Variants in CDH4 observed in about 807,000 individuals in gnomAD.
CDH4 encodes cadherin 4, also known as cadherin-4.
In CDH4, 33 loss-of-function variants were observed where a neutral mutation model predicts 86.0. The ratio of observed to expected loss-of-function variants is 0.38; its 90% CI spans 0.29 to 0.51. CDH4 has a LOEUF of 0.51. CDH4 is among the 20% of genes least tolerant of loss of function. CDH4 has a pLI of 0.86. For synonymous variants in CDH4, 555 were observed against 549.4 expected, an observed-to-expected ratio of 1.01 and a Z score of -0.14; for missense variants, 1,114 against 1,307.4, an observed-to-expected ratio of 0.85 and a Z score of 2.28.
intron 6 of CDH4, among the ~76,000 whole-genome samples, chr20:61,863,637 C>T (rs1983423336): frequency 6.6e-6 from 1 of 152,138 alleles, no homozygotes; most frequent in Admixed American, 6.5e-5. Flanking sequence ...GCGAGAGGGC[C>T]AGTGGGGACA....
At chr20:61,862,079 C>G (rs78603783) in intron 6 of CDH4, among the ~76,000 whole-genome samples, 5 of 152,326 alleles carry the variant, frequency 3.3e-5, no homozygotes, top group East Asian at 1.9e-4. Flanking sequence ...CGCTGTCCCC[C>G]ACGCTCTGCG....
At chr20:61,515,820 T>C (rs78999042) in intron 2 of CDH4, among the ~76,000 whole-genome samples, 1,863 of 152,314 alleles carry the variant, frequency 0.012, 28 homozygotes, top group East Asian at 0.06. Flanking sequence ...TCTACTCTCC[T>C]AGCTCGCTCT....
At chr20:61,452,858 CTTA>C (rs1364922033) in intron 2 of CDH4, among the ~76,000 whole-genome samples, 2 of 152,170 alleles carry the variant, frequency 1.3e-5, no homozygotes, top group African/African-American at 2.4e-5. Flanking sequence ...CTGAGTGACA[CTTA>C]TTATGTTTCT....
intron 2 of CDH4, among the ~76,000 whole-genome samples, chr20:61,682,431 G>C: frequency 7.5e-6 from 1 of 132,810 alleles, no homozygotes; most frequent in African/African-American, 2.8e-5. Context: ...AGGATGGATG[G>C]ATGGAGGGGT....
At chr20:61,605,964 C>T (rs913001986) in intron 2 of CDH4, among the ~76,000 whole-genome samples, 2 of 151,818 alleles carry the variant, frequency 1.3e-5, no homozygotes, top group African/African-American at 2.4e-5. Flanking sequence ...ATGATTTGCC[C>T]CTGGGATGAG....
intron 2 of CDH4, among the ~76,000 whole-genome samples, chr20:61,619,909 C>A (rs2086756220): frequency 6.6e-6 from 1 of 152,196 alleles, no homozygotes; most frequent in Non-Finnish European, 1.5e-5. Flanking sequence ...AGCATCAGCG[C>A]CAGGCACATC....
At chr20:61,697,942 C>G (rs892368212) in intron 2 of CDH4, among the ~76,000 whole-genome samples, 1 of 152,252 alleles carries the variant, frequency 6.6e-6, no homozygotes, top group South Asian at 2.1e-4. Context: ...CCCTGCAGAG[C>G]CAGGGCTGGG....
chr20:61,889,809 A>G (rs1047014591), intron 7 of CDH4, among the ~76,000 whole-genome samples: 3 of 146,940 alleles, frequency 2.0e-5, no homozygotes, highest in African/African-American at 7.6e-5. Context: ...ATGGTGGATG[A>G]TGGATGGGTG....
intron 2 of CDH4, among the ~76,000 whole-genome samples, chr20:61,705,091 C>T (rs534894913): frequency 5.9e-5 from 9 of 152,358 alleles, no homozygotes; most frequent in Non-Finnish European, 1.0e-4. Context: ...TCCGCTTTGT[C>T]TCGTTGGCAT....
At chr20:61,413,525 G>T (rs987893871) in intron 2 of CDH4, among the ~76,000 whole-genome samples, 3 of 152,178 alleles carry the variant, frequency 2.0e-5, no homozygotes, top group Non-Finnish European at 4.4e-5. Flanking sequence ...TGGTGGGACT[G>T]CTGCACGGGA....
chr20:61,253,135 G>A (rs920401511), intron 1 of CDH4, among the ~76,000 whole-genome samples: 3 of 151,510 alleles, frequency 2.0e-5, no homozygotes, highest in African/African-American at 7.2e-5. Context: ...CTGCGGGTGG[G>A]CGGCGGGGTA....
At chr20:61,901,579 G>C (rs115762913) in intron 8 of CDH4, among the ~76,000 whole-genome samples, 1 of 152,228 alleles carries the variant, frequency 6.6e-6, no homozygotes, top group African/African-American at 2.4e-5. Context: ...TGATGGATCC[G>C]CTGAGCTCCG....
intron 6 of CDH4, among the ~76,000 whole-genome samples, chr20:61,861,979 G>T (rs1376144575): frequency 2.0e-5 from 3 of 152,212 alleles, no homozygotes; most frequent in Admixed American, 6.5e-5. Flanking sequence ...CTGGGGAAAG[G>T]CAGGGAAGCA....
chr20:61,270,773 G>T (rs1354329704), intron 2 of CDH4, among the ~76,000 whole-genome samples: 1 of 152,154 alleles, frequency 6.6e-6, no homozygotes, highest in South Asian at 2.1e-4. Context: ...GTGGGGTGGG[G>T]GTAGTGTGAG....
intron 5 of CDH4, among the ~76,000 whole-genome samples, chr20:61,848,897 A>T (rs752153164): frequency 2.0e-5 from 3 of 152,110 alleles, no homozygotes; most frequent in Admixed American, 6.5e-5. Flanking sequence ...AAGATGAGAA[A>T]TGCAGTCATC....
intron 7 of CDH4, among the ~76,000 whole-genome samples, chr20:61,880,297 G>A (rs866961269): frequency 6.6e-6 from 1 of 152,310 alleles, no homozygotes; most frequent in South Asian, 2.1e-4. Context: ...GGCAGGCGGG[G>A]TTCAGCGTTT....
chr20:61,465,111 T>G (rs112962447), intron 2 of CDH4, among the ~76,000 whole-genome samples: 2 of 152,224 alleles, frequency 1.3e-5, no homozygotes, highest in African/African-American at 4.8e-5. Context: ...GACTTTGATC[T>G]GGCATACAGA....
intron 2 of CDH4, among the ~76,000 whole-genome samples, chr20:61,325,871 G>A (rs1038268642): frequency 3.3e-5 from 5 of 152,144 alleles, no homozygotes; most frequent in African/African-American, 7.2e-5. Context: ...TTCTTGCCAC[G>A]GGTGCCGACG....
Position 61,863,223 on chromosome 20 carries a change from C to T in CDH4, c.877+10325C>T, listed in dbSNP as rs565825775. On this transcript the variant is annotated intron_variant, in intron 6 of 15. Transcript: ENST00000614565. ...CTGTCTCCCCCTTTACCTGTTAGCA[C>T]GATCCGTAAGGAGGTGTCCAGCATC... Among the ~76,000 whole-genome samples, 543 of 152,336 alleles carry T rather than the reference C, an allele frequency of 3.6e-3. 1 individual carries two copies. The highest frequency in any genetic ancestry group is 5.4e-3 in the Non-Finnish European group (364 of 68,036).
Sources: allele counts gnomAD v4.1 joint callset (sites outside exome capture counted in the v4.1 genomes callset), GRCh38; gene constraint gnomAD v4.1.1; transcripts MANE v1.5; gene names NCBI Gene and HGNC (gene_info 2026-07-23, HGNC 2026-07-21).